SNX29: variants seen among roughly 807,000 people sequenced by gnomAD.
SNX29 encodes sorting nexin 29, also known as sorting nexin-29.
SNX29 carries 78 observed loss-of-function variants against 102.1 expected under a neutral mutation model. The observed-to-expected ratio is 0.76, with a 90% CI of 0.64 to 0.92. The LOEUF is 0.92. SNX29 is among the 40% of genes least tolerant of loss of function. The probability of loss-of-function intolerance (pLI) is 0.00; values close to 1 mark genes in which losing one functional copy is unlikely to be tolerated. For synonymous variants in SNX29, 580 were observed against 414.5 expected (o/e 1.40, Z -4.85); for missense variants, 1,280 against 1,061.7 (o/e 1.21, Z -2.86).
At chr16:12,043,453 C>G (rs1255946154) in intron 5 of SNX29, among the ~76,000 whole-genome samples, 1 of 151,668 alleles carries the variant, frequency 6.6e-6, no homozygotes, top group Non-Finnish European at 1.5e-5. Context: ...CTCCCTGGCT[C>G]AAGCAATCCT....
At chr16:12,199,568 A>G (rs2076862381) in intron 13 of SNX29, 33 bp from the exon 14 acceptor site, 2 of 1,571,126 alleles carry the variant, frequency 1.3e-6, no homozygotes, top group South Asian at 1.2e-5. Flanking sequence ...CACTTTTTAA[A>G]TATATATTTT....
intron 11 of SNX29, among the ~76,000 whole-genome samples, chr16:12,080,146 A>G (rs1191533934): frequency 6.6e-6 from 1 of 152,180 alleles, no homozygotes; most frequent in Non-Finnish European, 1.5e-5. Flanking sequence ...TGCTTACAGT[A>G]TACCACTCGT....
At chr16:12,002,238 G>C (rs939004670) in intron 2 of SNX29, among the ~76,000 whole-genome samples, 3 of 151,806 alleles carry the variant, frequency 2.0e-5, no homozygotes, top group Non-Finnish European at 4.4e-5. Context: ...ACCTGAGGTC[G>C]GGAGTTCAAG....
At chr16:12,119,289 A>T (rs576900210) in intron 11 of SNX29, among the ~76,000 whole-genome samples, 3 of 152,286 alleles carry the variant, frequency 2.0e-5, no homozygotes, top group African/African-American at 7.2e-5. Context: ...CGCTTTTGGG[A>T]TGCCTGCCTT....
intron 19 of SNX29, among the ~76,000 whole-genome samples, chr16:12,502,501 C>A (rs149719196): frequency 1.3e-4 from 20 of 152,072 alleles, no homozygotes; most frequent in African/African-American, 4.6e-4. Context: ...TGAATGCCAC[C>A]CCCCAACTCT....
At chr16:11,981,820 C>G (rs1447284476) in intron 1 of SNX29, among the ~76,000 whole-genome samples, 1 of 152,132 alleles carries the variant, frequency 6.6e-6, no homozygotes, top group African/African-American at 2.4e-5. Context: ...GTGCTGTGGA[C>G]ACCTGACGGA....
At chr16:12,253,126 C>T (rs1184565158) in intron 14 of SNX29, among the ~76,000 whole-genome samples, 2 of 152,186 alleles carry the variant, frequency 1.3e-5, no homozygotes, top group Admixed American at 6.5e-5. Flanking sequence ...CCCTCCTGCC[C>T]CTCAGCAGCA....
intron 16 of SNX29, among the ~76,000 whole-genome samples, chr16:12,378,398 C>G (rs1018201535): frequency 6.6e-6 from 1 of 152,118 alleles, no homozygotes; most frequent in Non-Finnish European, 1.5e-5. Context: ...GCCTGTAATC[C>G]CAGCGCTTTA....
At chr16:12,525,226 C>G (rs1454651759) in intron 20 of SNX29, among the ~76,000 whole-genome samples, 3 of 151,902 alleles carry the variant, frequency 2.0e-5, no homozygotes, top group Admixed American at 1.3e-4. Context: ...AAGGAAAGTT[C>G]TCCCAGACTC....
intron 19 of SNX29, among the ~76,000 whole-genome samples, chr16:12,504,150 T>A (rs1567630372): frequency 6.6e-6 from 1 of 152,178 alleles, no homozygotes; most frequent in Non-Finnish European, 1.5e-5. Context: ...GATGGAATAG[T>A]ATAATATGTA....
intron 15 of SNX29, among the ~76,000 whole-genome samples, chr16:12,355,490 C>G (rs1382690446): frequency 6.6e-6 from 1 of 152,178 alleles, no homozygotes; most frequent in East Asian, 1.9e-4. Context: ...AGATAAGGAT[C>G]TGCCTGACCT....
At chr16:12,165,608 T>G (rs892709369) in intron 13 of SNX29, among the ~76,000 whole-genome samples, 2 of 152,242 alleles carry the variant, frequency 1.3e-5, no homozygotes, top group African/African-American at 4.8e-5. Flanking sequence ...TCACCCAGAC[T>G]GGAGTGCAGT....
chr16:12,075,464 T>C lies in SNX29; in HGVS notation c.1320-3369T>C, dbSNP rs141550570. ...GTTTGCATGGGTATCAGCAGCGGTG[T>C]CTGCAGAACCAGGGATTTTCGTGAT... On this transcript the variant is annotated intron_variant, in intron 10 of 20. Coordinates refer to ENST00000566228, the MANE Select transcript of SNX29 (RefSeq NM_032167.5). 4.2e-3 allele frequency among the ~76,000 whole-genome samples: 636 copies of C among 152,354 alleles called. 4 individuals are homozygous for C. Among genetic ancestry groups the C allele is most frequent in the African/African-American group, 0.014 (590 of 41,582 alleles).
At position 12,568,763 on chromosome 16, in the gene SNX29, G is replaced by C. The variant is rs28416666; in HGVS notation, c.*134G>C. The C allele has an allele frequency of 8.2e-4, 1,082 of 1,322,870 alleles. 11 individuals are homozygous for C. The African/African-American group carries it at 0.014, about 17-fold the overall frequency. 81.9% of individuals were successfully genotyped at this position (1,322,870 alleles called of 1,614,324 possible). A position where few individuals can be genotyped will look rare whatever the true frequency, so the allele number is the denominator to read the frequency against. The stretch of plus-strand genomic sequence containing the variant: ...TCCTGAGAGCACACGATTCCCAACA[G>C]TTACACAACACCCCGATTAAACTAA... On this transcript the variant is annotated 3_prime_UTR_variant, in exon 21 of 21. Coordinates refer to ENST00000566228, the MANE Select transcript of SNX29 (RefSeq NM_032167.5).
intron 20 of SNX29, among the ~76,000 whole-genome samples, chr16:12,562,186 A>G (rs1450177824): frequency 6.6e-6 from 1 of 152,164 alleles, no homozygotes. Flanking sequence ...ACCTGAGCAT[A>G]GGGTTCACAG....
At chr16:11,980,792 A>T (rs1167065566) in intron 1 of SNX29, among the ~76,000 whole-genome samples, 1 of 152,124 alleles carries the variant, frequency 6.6e-6, no homozygotes, top group Non-Finnish European at 1.5e-5. Context: ...CCAATTGTGT[A>T]TCCTCCTTGG....
intron 13 of SNX29, among the ~76,000 whole-genome samples, chr16:12,151,498 G>C (rs1567253789): frequency 6.6e-6 from 1 of 152,036 alleles, no homozygotes; most frequent in Non-Finnish European, 1.5e-5. Flanking sequence ...TTCTTTCCCT[G>C]GCCTGCATGT....
chr16:12,396,004 G>A (rs538027572), intron 16 of SNX29, among the ~76,000 whole-genome samples: 12 of 152,194 alleles, frequency 7.9e-5, no homozygotes, highest in Non-Finnish European at 1.6e-4. Context: ...ATTCTTTTTC[G>A]AAGCAGCCTC....
intron 16 of SNX29, among the ~76,000 whole-genome samples, chr16:12,363,325 G>C (rs2151337688): frequency 1.3e-5 from 2 of 152,268 alleles, no homozygotes; most frequent in East Asian, 3.9e-4. Flanking sequence ...ACTGTAAGAG[G>C]CATCTATTTA....
Sources: allele counts gnomAD v4.1 joint callset (sites outside exome capture counted in the v4.1 genomes callset), GRCh38; gene constraint gnomAD v4.1.1; transcripts MANE v1.5; gene names NCBI Gene and HGNC (gene_info 2026-07-23, HGNC 2026-07-21).